Variants in DEPTOR observed in about 807,000 individuals in gnomAD.
The protein encoded by DEPTOR is DEP domain-containing mTOR-interacting protein.
A neutral mutation model predicts 41.6 loss-of-function variants in DEPTOR; 41 were observed. The observed-to-expected ratio is 0.98, with a 90% confidence interval of 0.77 to 1.28. DEPTOR has a LOEUF of 1.28. DEPTOR is among the 50% of genes most tolerant of loss of function. DEPTOR has a pLI of 0.00. For missense variants in DEPTOR, 514 were observed against 527.9 expected (o/e 0.97, Z 0.26); for synonymous variants, 195 against 192.3 (o/e 1.01, Z -0.12).
At chr8:120,009,161 T>C (rs1305240276) in intron 8 of DEPTOR, 28 bp downstream of exon 8, 2 of 1,596,162 alleles carry the variant, frequency 1.3e-6, no homozygotes, top group Admixed American at 1.7e-5. Flanking sequence ...TCACCCTCTT[T>C]TATATCTGTC....
chr8:119,996,572 G>T (rs1026675504), intron 4 of DEPTOR, among the ~76,000 whole-genome samples: 1 of 152,138 alleles, frequency 6.6e-6, no homozygotes, highest in Non-Finnish European at 1.5e-5. Context: ...AGGTGGGGAG[G>T]TATAAGCTGG....
At chr8:119,890,135 T>C (rs1827433170) in intron 1 of DEPTOR, among the ~76,000 whole-genome samples, 1 of 152,014 alleles carries the variant, frequency 6.6e-6, no homozygotes, top group African/African-American at 2.4e-5. Flanking sequence ...CAGCTAATTT[T>C]TGTATTTCGG....
At chr8:119,915,466 C>CA (rs918563044) in intron 1 of DEPTOR, among the ~76,000 whole-genome samples, 1 of 152,092 alleles carries the variant, frequency 6.6e-6, no homozygotes, top group Non-Finnish European at 1.5e-5. Context: ...AGGGCTGTCA[C>CA]AAACAGATTC....
chr8:119,891,646 G>A (rs1285369855), intron 1 of DEPTOR, among the ~76,000 whole-genome samples: 1 of 152,120 alleles, frequency 6.6e-6, no homozygotes, highest in Non-Finnish European at 1.5e-5. Context: ...GTCCCCCCCA[G>A]CAAAGATTTG....
At chr8:120,038,011 A>G (rs997103277) in intron 8 of DEPTOR, among the ~76,000 whole-genome samples, 1 of 152,134 alleles carries the variant, frequency 6.6e-6, no homozygotes, top group African/African-American at 2.4e-5. Flanking sequence ...TCACATCTAT[A>G]ATCCTAGCAC....
intron 8 of DEPTOR, among the ~76,000 whole-genome samples, chr8:120,033,518 A>T (rs1217930128): frequency 2.0e-5 from 3 of 152,174 alleles, no homozygotes; most frequent in Admixed American, 1.3e-4. Context: ...TTTTCATTAT[A>T]TCACAGCACC....
intron 3 of DEPTOR, among the ~76,000 whole-genome samples, chr8:119,957,737 C>G (rs188710479): frequency 1.3e-5 from 2 of 152,078 alleles, no homozygotes; most frequent in Non-Finnish European, 2.9e-5. Context: ...TATAGGCACG[C>G]GCCACCATGC....
chr8:120,021,946 G>T (rs567423506), intron 8 of DEPTOR, among the ~76,000 whole-genome samples: 1 of 151,814 alleles, frequency 6.6e-6, no homozygotes, highest in Non-Finnish European at 1.5e-5. Context: ...GGAGTCTGAC[G>T]ACCAACCTAG....
intron 8 of DEPTOR, among the ~76,000 whole-genome samples, chr8:120,035,943 G>A (rs1027724381): frequency 5.9e-5 from 9 of 152,210 alleles, no homozygotes; most frequent in Non-Finnish European, 8.8e-5. Context: ...ATGAGCTGCC[G>A]ATGGGAAGGT....
At position 120,027,890 on chromosome 8, in the gene DEPTOR, A is replaced by G. The variant is rs566675303; in HGVS notation, c.1101+18757A>G. On this transcript the variant is annotated intron_variant, in intron 8 of 8. Transcript: ENST00000286234. ...TCAGAATCACCTGGGAAACTCCTAGAAAATACCCAAAGATACAGACTCAGT... is the reference window on the plus strand; with the variant it reads ...TCAGAATCACCTGGGAAACTCCTAGGAAATACCCAAAGATACAGACTCAGT... Among the ~76,000 whole-genome samples the G allele has an allele frequency of 2.0e-5, 3 of 152,274 alleles. No homozygotes were observed. In the East Asian group the frequency reaches 5.8e-4, roughly 29 times the overall value.
At chr8:120,000,889 C>T (rs973429473) in intron 4 of DEPTOR, among the ~76,000 whole-genome samples, 2 of 151,662 alleles carry the variant, frequency 1.3e-5, no homozygotes, top group African/African-American at 4.8e-5. Flanking sequence ...ACCAGCCTGG[C>T]CAACATGGTG....
rs761786016 is a variant in DEPTOR at position 120,049,551 on chromosome 8, CTCTTTCTTTGCA to C, written c.1102-18_1102-7del. On this transcript the variant is annotated splice_polypyrimidine_tract_variant and intron_variant, in intron 8 of 8. Coordinates refer to ENST00000286234, the MANE Select transcript of DEPTOR (RefSeq NM_022783.4). ...GCAAAACCAGGCGCTATAATAGATG[CTCTTTCTTTGCA>C]TCTTTCCTTTAGGTCTGTCAGTTTG... The C allele has an allele frequency of 6.2e-7, 1 of 1,610,452 alleles. No homozygotes were observed. Among genetic ancestry groups the C allele is most frequent in the South Asian group, 1.1e-5 (1 of 90,754 alleles).
At chr8:119,895,202 G>A (rs980137206) in intron 1 of DEPTOR, among the ~76,000 whole-genome samples, 3 of 152,176 alleles carry the variant, frequency 2.0e-5, no homozygotes, top group Non-Finnish European at 4.4e-5. Flanking sequence ...TGTAATTGCT[G>A]GACTCATTAT....
intron 4 of DEPTOR, among the ~76,000 whole-genome samples, chr8:119,997,403 A>G (rs1195562688): frequency 2.0e-5 from 3 of 151,876 alleles, no homozygotes; most frequent in African/African-American, 4.8e-5. Flanking sequence ...CCTGGCTAAT[A>G]TTTTAATTTC....
chr8:119,905,841 C>T (rs1827656202), intron 1 of DEPTOR, among the ~76,000 whole-genome samples: 1 of 152,096 alleles, frequency 6.6e-6, no homozygotes, highest in Non-Finnish European at 1.5e-5. Context: ...TGGGGTTTCA[C>T]CATGTTGGCC....
At chr8:119,969,118 C>T (rs886108202) in intron 4 of DEPTOR, among the ~76,000 whole-genome samples, 5 of 151,664 alleles carry the variant, frequency 3.3e-5, no homozygotes, top group African/African-American at 1.2e-4. Flanking sequence ...TCAGATGATA[C>T]CAACTTCTAG....
rs377264193 is a variant in DEPTOR at position 119,901,660 on chromosome 8, A to G, written c.123-26740A>G. 3.0e-4 allele frequency among the ~76,000 whole-genome samples: 45 copies of G among 148,902 alleles called. 1 individual carries two copies. Among genetic ancestry groups the G allele is most frequent in the African/African-American group, 1.1e-3 (43 of 40,056 alleles). ...CACTGCACTCCAGCCTGGGCAACAG[A>G]GCAAGACTCTGTCTCAAAAAAAAAA... On this transcript the variant is annotated intron_variant, in intron 1 of 8. Coordinates refer to ENST00000286234, the MANE Select transcript of DEPTOR (RefSeq NM_022783.4).
At chr8:119,950,683 G>T (rs1370536537) in intron 3 of DEPTOR, among the ~76,000 whole-genome samples, 1 of 151,768 alleles carries the variant, frequency 6.6e-6, no homozygotes, top group East Asian at 1.9e-4. Context: ...TGCAATCTCC[G>T]CCTCCCGTTC....
chr8:120,017,613 G>C (rs1017068692), intron 8 of DEPTOR, among the ~76,000 whole-genome samples: 5 of 152,184 alleles, frequency 3.3e-5, no homozygotes, highest in African/African-American at 1.2e-4. Flanking sequence ...GTCAGGACTA[G>C]ATCTAGCAGG....
Sources: allele counts gnomAD v4.1 joint callset (sites outside exome capture counted in the v4.1 genomes callset), GRCh38; gene constraint gnomAD v4.1.1; transcripts MANE v1.5; gene names NCBI Gene and HGNC (gene_info 2026-07-23, HGNC 2026-07-21).